Variants in TIPARP observed in about 807,000 individuals in gnomAD.
The protein encoded by TIPARP is TCDD inducible poly(ADP-ribose) polymerase.
A neutral mutation model predicts 56.5 loss-of-function variants in TIPARP; 12 were observed. That is an observed-to-expected ratio of 0.21 (90% confidence interval 0.14 to 0.34). TIPARP has a LOEUF of 0.34. Ranked by LOEUF, TIPARP falls within the 10% of genes least tolerant of loss-of-function variation. TIPARP has a pLI of 1.00. For missense variants in TIPARP, 604 were observed against 781.6 expected, an observed-to-expected ratio of 0.77 and a Z score of 2.71; for synonymous variants, 296 against 265.7, an observed-to-expected ratio of 1.11 and a Z score of -1.11.
intron 4 of TIPARP, among the ~76,000 whole-genome samples, chr3:156,699,943 A>C (rs1577041966): frequency 6.6e-6 from 1 of 152,240 alleles, no homozygotes; most frequent in East Asian, 1.9e-4. Flanking sequence ...GGGCTGAAGG[A>C]CCTAGTAGGG....
intron 4 of TIPARP, among the ~76,000 whole-genome samples, chr3:156,698,772 G>A (rs1722779795): frequency 6.6e-6 from 1 of 152,128 alleles, no homozygotes; most frequent in African/African-American, 2.4e-5. Context: ...TATTTTAACA[G>A]TATATTTTGT....
chr3:156,699,504 G>T (rs1290943386), intron 4 of TIPARP, among the ~76,000 whole-genome samples: 2 of 152,102 alleles, frequency 1.3e-5, no homozygotes, highest in Non-Finnish European at 2.9e-5. Context: ...TTTTAGCAAT[G>T]AAGTATTTTT....
intron 2 of TIPARP, among the ~76,000 whole-genome samples, chr3:156,690,928 C>G (rs1722557684): frequency 6.6e-6 from 1 of 152,152 alleles, no homozygotes; most frequent in African/African-American, 2.4e-5. Flanking sequence ...ACTGCTTTGA[C>G]TCTAACTTCA....
intron 4 of TIPARP, among the ~76,000 whole-genome samples, chr3:156,702,670 T>C (rs1426947926): frequency 1.3e-5 from 2 of 152,212 alleles, no homozygotes; most frequent in African/African-American, 4.8e-5. Context: ...AGGAATATGA[T>C]TTAAATTTAA....
At chr3:156,699,472 G>A (rs1295975824) in intron 4 of TIPARP, among the ~76,000 whole-genome samples, 1 of 152,126 alleles carries the variant, frequency 6.6e-6, no homozygotes, top group African/African-American at 2.4e-5. Flanking sequence ...ACTCACCAAA[G>A]GCTCAGATGA....
intron 3 of TIPARP, 21 bp from the exon 4 acceptor site, chr3:156,695,844 G>GTTTTGTTTTCTTC: frequency 1.6e-6 from 1 of 633,068 alleles, no homozygotes. Flanking sequence ...TTTTTTTTTT[G>GTTTTGTTTTCTTC]TTCTGTTTTC....
At chr3:156,681,961 G>A (rs1474168686) in intron 2 of TIPARP, among the ~76,000 whole-genome samples, 1 of 152,076 alleles carries the variant, frequency 6.6e-6, no homozygotes, top group African/African-American at 2.4e-5. Context: ...CTGGAACAGT[G>A]TAGGCACTCA....
Position 156,704,664 on chromosome 3 carries a change from C to CT in TIPARP, c.1527-19dup, listed in dbSNP as rs771385799. On this transcript the variant is annotated intron_variant, in intron 5 of 5. Coordinates refer to ENST00000295924, the MANE Select transcript of TIPARP (RefSeq NM_015508.5). ...CCTGTATTTCATCCTTCTGAATTCT[C>CT]TGTCTGTTCTTTCCATTAGGAAAAA... 5.6e-6 allele frequency: 9 copies of CT among 1,596,210 alleles called. No individual in the cohort carries two copies. In the African/African-American group the frequency reaches 1.2e-4, roughly 21 times the overall value.
chr3:156,703,475 A>G lies in TIPARP; in HGVS notation c.1299A>G (p.Ser433=). The G allele has an allele frequency of 1.9e-6, 3 of 1,614,248 alleles. No individual in the cohort carries two copies. The highest frequency in any genetic ancestry group is 2.5e-6 in the Non-Finnish European group (3 of 1,180,046). ...TQAPPPLEAT[S]SSQIICPDGV... is the part of the protein sequence containing the mutation. ...CTCCTCCACCTCTTGAAGCAACTTC[A>G]TCATCACAAATTATCTGCCCAGATG... Residue 433 remains serine, a synonymous_variant, in exon 5 of 6, where the codon TCA becomes TCG. Transcript: ENST00000295924.
chr3:156,684,123 G>T (rs1722370415), intron 2 of TIPARP, among the ~76,000 whole-genome samples: 1 of 152,122 alleles, frequency 6.6e-6, no homozygotes, highest in Non-Finnish European at 1.5e-5. Flanking sequence ...TAATTATTTT[G>T]GCACAACTTG....
At chr3:156,700,572 T>A (rs1722822645) in intron 4 of TIPARP, among the ~76,000 whole-genome samples, 1 of 152,210 alleles carries the variant, frequency 6.6e-6, no homozygotes, top group South Asian at 2.1e-4. Flanking sequence ...TTTCTCCTGC[T>A]TTTTAATGGG....
intron 2 of TIPARP, among the ~76,000 whole-genome samples, chr3:156,692,326 C>T (rs1185598276): frequency 6.6e-6 from 1 of 152,100 alleles, no homozygotes; most frequent in Admixed American, 6.5e-5. Flanking sequence ...ATAGGAGTTC[C>T]AGTTTACAGG....
intron 1 of TIPARP, among the ~76,000 whole-genome samples, chr3:156,677,216 CTT>C (rs1559969602): frequency 6.6e-6 from 1 of 152,060 alleles, no homozygotes; most frequent in Admixed American, 6.6e-5. Flanking sequence ...TTTAAAGAAA[CTT>C]TTTGTCAACT....
intron 2 of TIPARP, among the ~76,000 whole-genome samples, chr3:156,688,702 A>G (rs1722495822): frequency 2.6e-5 from 4 of 152,214 alleles, no homozygotes; most frequent in Admixed American, 2.0e-4. Flanking sequence ...TTGAAGGGAT[A>G]TAAGCTGCCA....
At chr3:156,694,678 T>C (rs1048587215) in intron 3 of TIPARP, among the ~76,000 whole-genome samples, 3 of 152,204 alleles carry the variant, frequency 2.0e-5, no homozygotes, top group African/African-American at 4.8e-5. Flanking sequence ...TACAATTTTC[T>C]CCTATGTGCA....
Position 156,678,113 on chromosome 3 carries a change from A to T in TIPARP, c.416A>T (p.Asp139Val), listed in dbSNP as rs1251155796. 1.9e-6 allele frequency: 3 copies of T among 1,614,008 alleles called. No individual in the cohort carries two copies. Among genetic ancestry groups the T allele is most frequent in the African/African-American group, 2.7e-5 (2 of 74,938 alleles). Residue 139 changes from aspartate (D) to valine (V), a missense_variant, in exon 2 of 6, where the codon GAT becomes GTT. Physicochemically the swap from Asp to Val is radical, Grantham distance 152 (BLOSUM62 -3). Transcript: ENST00000295924. ...EAPERVVPIQ[D>V]HSFPSETLSG... ...CCAGAACGAGTGGTTCCAATCCAAG[A>T]TCACAGCTTTCCATCAGAAACCCTC...
At chr3:156,693,923 CTATG>C in intron 2 of TIPARP, 93 bp from the exon 3 acceptor site, 1 of 1,311,114 alleles carries the variant, frequency 7.6e-7, no homozygotes, top group Non-Finnish European at 1.0e-6. Flanking sequence ...ACAGGCTATG[CTATG>C]TATTTTTAAT....
chr3:156,700,144 G>A (rs917250074), intron 4 of TIPARP, among the ~76,000 whole-genome samples: 27 of 150,280 alleles, frequency 1.8e-4, no homozygotes, highest in Non-Finnish European at 3.3e-4. Context: ...TTCCTCTGTC[G>A]CCCAGGGTGG....
chr3:156,698,500 A>G (rs1722773080), intron 4 of TIPARP, among the ~76,000 whole-genome samples: 1 of 152,068 alleles, frequency 6.6e-6, no homozygotes, highest in African/African-American at 2.4e-5. Flanking sequence ...TGCTAAATCT[A>G]CTCTGCCTGT....
Sources: gnomAD v4.1 joint callset for allele counts (sites outside exome capture counted in the v4.1 genomes callset) on GRCh38, gnomAD v4.1.1 for gene constraint, MANE v1.5 for transcripts, NCBI Gene and HGNC (gene_info 2026-07-23, HGNC 2026-07-21) for gene names.